Variants in SCUBE1 observed in about 807,000 individuals in gnomAD.
SCUBE1 encodes signal peptide, CUB domain and EGF like domain containing 1.
SCUBE1 carries 59 observed loss-of-function variants against 124.4 expected under a neutral mutation model. The ratio of observed to expected loss-of-function variants is 0.47; its 90% CI spans 0.38 to 0.59. SCUBE1 has a LOEUF of 0.59. Among genes scored for constraint, SCUBE1 ranks in the 20% least tolerant of loss-of-function variants. The pLI is 0.00. For synonymous variants in SCUBE1, 545 were observed against 550.9 expected (o/e 0.99, Z 0.15); for missense variants, 1,150 against 1,371.2 (o/e 0.84, Z 2.55).
chr22:43,207,828 C>A (rs1163585545), intron 20 of SCUBE1, among the ~76,000 whole-genome samples: 3 of 152,206 alleles, frequency 2.0e-5, no homozygotes, highest in African/African-American at 7.2e-5. Context: ...ATTTAGCCCT[C>A]AAAACCCTGC....
chr22:43,269,396 C>T (rs931058872), intron 4 of SCUBE1, among the ~76,000 whole-genome samples: 2 of 152,182 alleles, frequency 1.3e-5, no homozygotes, highest in Admixed American at 6.5e-5. Context: ...GCAAAGTTCA[C>T]GGATGCATCT....
intron 6 of SCUBE1, among the ~76,000 whole-genome samples, chr22:43,248,488 T>A (rs553875932): frequency 6.6e-6 from 1 of 152,256 alleles, no homozygotes; most frequent in Admixed American, 6.5e-5. Context: ...CAGCTGTGAG[T>A]GTGAGACAGT....
intron 3 of SCUBE1, among the ~76,000 whole-genome samples, chr22:43,298,238 G>A (rs1925636983): frequency 6.6e-6 from 1 of 152,210 alleles, no homozygotes; most frequent in African/African-American, 2.4e-5. Flanking sequence ...AACACTCTCC[G>A]AGCTGTCAAG....
intron 10 of SCUBE1, among the ~76,000 whole-genome samples, chr22:43,224,884 T>C (rs561989060): frequency 1.3e-5 from 2 of 152,174 alleles, no homozygotes; most frequent in African/African-American, 4.8e-5. Context: ...TTTAGACTAT[T>C]ATCCTAACTT....
chr22:43,268,666 T>C (rs1217445946), intron 4 of SCUBE1, among the ~76,000 whole-genome samples: 3 of 152,226 alleles, frequency 2.0e-5, no homozygotes, highest in South Asian at 2.1e-4. Flanking sequence ...CTACGTAGAA[T>C]TGGACAGTAG....
intron 21 of SCUBE1, 38 bp from the exon 22 acceptor site, chr22:43,204,187 G>A: frequency 6.2e-7 from 1 of 1,604,838 alleles, no homozygotes; most frequent in Non-Finnish European, 8.5e-7. Context: ...GGGAGGCTTG[G>A]GGCCTGTAGG....
intron 3 of SCUBE1, among the ~76,000 whole-genome samples, chr22:43,315,347 G>A (rs1452641598): frequency 3.9e-5 from 6 of 152,028 alleles, no homozygotes; most frequent in Admixed American, 1.3e-4. Flanking sequence ...ACTCATGAGC[G>A]GTGACACCTG....
At chr22:43,266,312 C>T (rs1033422775) in intron 4 of SCUBE1, among the ~76,000 whole-genome samples, 9 of 151,930 alleles carry the variant, frequency 5.9e-5, no homozygotes, top group Non-Finnish European at 1.3e-4. Context: ...GTTGGGGGAG[C>T]ATCACTATCA....
intron 6 of SCUBE1, among the ~76,000 whole-genome samples, chr22:43,252,300 T>A (rs917123211): frequency 6.6e-6 from 1 of 152,152 alleles, no homozygotes; most frequent in Non-Finnish European, 1.5e-5. Context: ...GGAGCCACAA[T>A]CCCGGCTCTG....
At position 43,222,663 on chromosome 22, in the gene SCUBE1, G is replaced by C. The variant is rs138971332; in HGVS notation, c.1407C>G (p.Ser469Arg). 8.4e-5 allele frequency: 135 copies of C among 1,600,046 alleles called. No individual in the cohort carries two copies. The highest frequency in any genetic ancestry group is 1.7e-4 in the Middle Eastern group (1 of 5,988). Reference protein sequence around the residue: ...GKALQKRNGTSSGLGPSCSDA... With the variant: ...GKALQKRNGTRSGLGPSCSDA... ...CTGAGCAGCTGGGCCCGAGGCCAGAGCTGGTGCCGTTGCGTTTCTGCAGCG... is the reference window on the plus strand; with the variant it reads ...CTGAGCAGCTGGGCCCGAGGCCAGACCTGGTGCCGTTGCGTTTCTGCAGCG... The change falls in exon 12 of 22, where the codon AGC (serine) becomes AGG (arginine). Residue 469 changes from serine to arginine, a missense_variant. This residue lies in a region of SCUBE1 where 757 missense variants were observed against 840.9 expected (regional missense o/e 0.90). Transcript: ENST00000360835.
chr22:43,289,778 G>A (rs570489200), intron 4 of SCUBE1, among the ~76,000 whole-genome samples: 4 of 152,268 alleles, frequency 2.6e-5, no homozygotes, highest in South Asian at 2.1e-4. Flanking sequence ...CAGTAGAGCC[G>A]CCCATGGGAA....
rs770113327 is a variant in SCUBE1, at chr22:43,229,181, G to A, written c.975C>T (p.Asp325=). Residue 325 remains aspartate (D), a synonymous_variant, in exon 9 of 22, where the codon GAC becomes GAT. Coordinates refer to ENST00000360835, the MANE Select transcript of SCUBE1 (RefSeq NM_173050.5). ...LTDERTCQDI[D]ECSFERTCDH... The stretch of plus-strand genomic sequence containing the variant: ...CACAGGTCCGCTCGAAGGAGCACTC[G>A]TCGATGTCTGCGTGGCCACAGGGAG... The A allele has an allele frequency of 3.6e-5, 58 of 1,612,554 alleles. No individual in the cohort carries two copies. The highest frequency in any genetic ancestry group is 8.3e-5 in the Admixed American group (5 of 60,002).
chr22:43,234,010 G>A lies in SCUBE1; in HGVS notation c.845-2135C>T, dbSNP rs1392824573. On this transcript the variant is annotated intron_variant, in intron 7 of 21. Coordinates refer to ENST00000360835, the MANE Select transcript of SCUBE1 (RefSeq NM_173050.5). The surrounding 1 kb of genome is among the most constrained non-coding windows in gnomAD (Gnocchi z 4.4). ...GGTCACAGCACCACACGCAGGAGCC[G>A]GCTCTCAGCCAGCACCATCCGAACC... Among the ~76,000 whole-genome samples, 3 of 151,890 alleles carry A rather than the reference G, an allele frequency of 2.0e-5. No homozygotes were observed. Among genetic ancestry groups the A allele is most frequent in the Non-Finnish European group, 4.4e-5 (3 of 67,966 alleles).
chr22:43,331,342 A>C (rs1926897205), intron 2 of SCUBE1, among the ~76,000 whole-genome samples: 1 of 152,220 alleles, frequency 6.6e-6, no homozygotes, highest in Admixed American at 6.5e-5. Context: ...GGAACATAGC[A>C]ATATATTTGA....
At chr22:43,299,039 G>A (rs566106836) in intron 3 of SCUBE1, among the ~76,000 whole-genome samples, 3 of 140,644 alleles carry the variant, frequency 2.1e-5, no homozygotes, top group Admixed American at 7.8e-5. Flanking sequence ...GCGACACAGC[G>A]AGACTCCGTC....
chr22:43,271,024 C>T (rs541404475), intron 4 of SCUBE1, among the ~76,000 whole-genome samples: 7 of 152,318 alleles, frequency 4.6e-5, no homozygotes, highest in African/African-American at 1.7e-4. Context: ...CGCTCCCTTC[C>T]CACCCTAAGC....
chr22:43,317,473 C>G (rs866941129), intron 3 of SCUBE1, among the ~76,000 whole-genome samples: 1 of 152,204 alleles, frequency 6.6e-6, no homozygotes, highest in Non-Finnish European at 1.5e-5. Flanking sequence ...AGTCACTGCT[C>G]ACGACAACCC....
intron 8 of SCUBE1, among the ~76,000 whole-genome samples, chr22:43,230,868 C>T (rs146129848): frequency 3.9e-5 from 6 of 152,292 alleles, no homozygotes; most frequent in Non-Finnish European, 7.4e-5. Flanking sequence ...CACCCTGCCC[C>T]GTGCCAGCCC....
At chr22:43,304,895 C>T (rs1925909617) in intron 3 of SCUBE1, among the ~76,000 whole-genome samples, 1 of 152,136 alleles carries the variant, frequency 6.6e-6, no homozygotes, top group South Asian at 2.1e-4. Flanking sequence ...CAAAGGACAC[C>T]ATAGTGGGAG....
Sources: allele counts gnomAD v4.1 joint callset (sites outside exome capture counted in the v4.1 genomes callset), GRCh38; gene constraint gnomAD v4.1.1; regional missense constraint gnomAD v4.1.1; non-coding constraint Gnocchi (gnomAD v3.1); transcripts MANE v1.5; gene names NCBI Gene and HGNC (gene_info 2026-07-23, HGNC 2026-07-21).